Variants in DNAJB1 observed in about 807,000 individuals in gnomAD.
The protein encoded by DNAJB1 is dnaJ homolog subfamily B member 1.
DNAJB1 carries 14 observed loss-of-function variants against 24.0 expected under a neutral mutation model. The ratio of observed to expected loss-of-function variants is 0.58; its 90% CI spans 0.39 to 0.91. The LOEUF is 0.91. DNAJB1 is among the 40% of genes least tolerant of loss of function. DNAJB1 has a pLI of 0.00. For synonymous variants in DNAJB1, 262 were observed against 174.4 expected (o/e 1.50, Z -3.96); for missense variants, 517 against 458.1 (o/e 1.13, Z -1.17).
chr19:14,555,094 A>C (rs189455041), upstream of DNAJB1, among the ~76,000 whole-genome samples: 92 of 147,894 alleles, frequency 6.2e-4, 1 homozygote, highest in Middle Eastern at 3.5e-3. Context: ...TTTTTTTTTG[A>C]GACAGGGTCT....
intron 2 of DNAJB1, among the ~76,000 whole-genome samples, chr19:14,526,007 A>G (rs1161064460): frequency 6.6e-6 from 1 of 152,258 alleles, no homozygotes; most frequent in Non-Finnish European, 1.5e-5. Flanking sequence ...GGTTCTGGAA[A>G]AAGTCAAGAT....
chr19:14,539,678 C>T (rs1038719611), intron 1 of DNAJB1, among the ~76,000 whole-genome samples: 3 of 152,130 alleles, frequency 2.0e-5, no homozygotes, highest in Admixed American at 6.5e-5. Flanking sequence ...CTGCCCTAAG[C>T]ACATGCTATT....
chr19:14,549,055 T>C (rs1052751402), intron 1 of DNAJB1, among the ~76,000 whole-genome samples: 1 of 152,052 alleles, frequency 6.6e-6, no homozygotes, highest in African/African-American at 2.4e-5. Context: ...AAAAACGTCA[T>C]GTATTTTTTA....
In DNAJB1 at chr19:14,516,225, T is replaced by C. The variant is rs796685068; in HGVS notation, c.793-55A>G. The C allele has an allele frequency of 5.6e-6, 9 of 1,596,512 alleles. No homozygotes were observed. In the African/African-American group the frequency reaches 9.4e-5, roughly 17 times the overall value. On this transcript the variant is annotated intron_variant, in intron 2 of 2. Transcript: ENST00000254322. Reference sequence around the variant, plus strand: ...GAAGCTGGCTCAAGAGGCTCAGCTCTTGCCCAGAGGCCGTCTGCCATAGAT... The same window carrying C: ...GAAGCTGGCTCAAGAGGCTCAGCTCCTGCCCAGAGGCCGTCTGCCATAGAT...
chr19:14,518,570 G>A (rs1208221083), upstream of DNAJB1: 3 of 370,408 alleles, frequency 8.1e-6, no homozygotes, highest in Non-Finnish European at 1.4e-5. Context: ...GGCCGCCCGC[G>A]CGGGGCCACG....
intron 1 of DNAJB1, among the ~76,000 whole-genome samples, chr19:14,546,592 T>A (rs1327670882): frequency 6.6e-6 from 1 of 152,202 alleles, no homozygotes; most frequent in East Asian, 1.9e-4. Context: ...GCTCTCACTA[T>A]CTTGGCCTGG....
At chr19:14,521,451 T>A (rs1208397294), upstream of DNAJB1, among the ~76,000 whole-genome samples, 1 of 103,158 alleles carries the variant, frequency 9.7e-6, no homozygotes, top group Non-Finnish European at 2.0e-5. Flanking sequence ...AGAGTGAGAG[T>A]TTCAAAATAA....
At chr19:14,555,772 G>T (rs962345123) in intron 1 of DNAJB1, among the ~76,000 whole-genome samples, 9 of 152,118 alleles carry the variant, frequency 5.9e-5, no homozygotes, top group African/African-American at 2.2e-4. Flanking sequence ...TTTTTGTGGA[G>T]GCAGAGCCTT....
At chr19:14,518,799 C>G (rs1413427949), upstream of DNAJB1, among the ~76,000 whole-genome samples, 1 of 152,240 alleles carries the variant, frequency 6.6e-6, no homozygotes, top group Non-Finnish European at 1.5e-5. Context: ...CTACCCAGTC[C>G]TTTCCCCGGG....
intron 1 of DNAJB1, among the ~76,000 whole-genome samples, chr19:14,537,954 C>T (rs1646076052): frequency 6.6e-6 from 1 of 151,416 alleles, no homozygotes; most frequent in African/African-American, 2.4e-5. Context: ...CCATGTTGGC[C>T]AGGCTGGTCT....
chr19:14,530,957 C>T (rs1334558346), upstream of DNAJB1: 1 of 152,224 alleles, frequency 6.6e-6, no homozygotes, highest in Admixed American at 6.5e-5. Flanking sequence ...ACCTCCACCT[C>T]TGGCAGCCAC....
At chr19:14,537,259 G>T (rs2072936271) in intron 1 of DNAJB1, among the ~76,000 whole-genome samples, 2 of 138,898 alleles carry the variant, frequency 1.4e-5, no homozygotes, top group Admixed American at 1.5e-4. Flanking sequence ...GGATGGGGGA[G>T]GCGGGACCAG....
chr19:14,537,540 C>A (rs1352155916), intron 1 of DNAJB1, among the ~76,000 whole-genome samples: 2 of 152,104 alleles, frequency 1.3e-5, no homozygotes, highest in East Asian at 3.9e-4. Context: ...GGGAATCCTG[C>A]ACTTTCATTG....
chr19:14,551,650 C>T (rs915434243), upstream of DNAJB1, among the ~76,000 whole-genome samples: 7 of 152,012 alleles, frequency 4.6e-5, no homozygotes, highest in African/African-American at 1.7e-4. Flanking sequence ...TAAACCCTGC[C>T]TGGGCCCCGC....
At position 14,518,281 on chromosome 19, in the gene DNAJB1, G is replaced by C; in HGVS notation, c.69C>G (p.Ala23=). ...GGTAGCGCAGCGCCTGGCGGCGGTAGGCCCGCTTGATCTCCTCGTCCGACG... is the reference window on the plus strand; with the variant it reads ...GGTAGCGCAGCGCCTGGCGGCGGTACGCCCGCTTGATCTCCTCGTCCGACG... ...RGASDEEIKR[A]YRRQALRYHP... is the part of the protein sequence containing the mutation. The change falls in exon 1 of 3, where the codon GCC becomes GCG. Residue 23 remains alanine (A), a synonymous_variant. Transcript: ENST00000254322. 1 of 1,610,730 alleles carries C rather than the reference G, an allele frequency of 6.2e-7. No individual in the cohort carries two copies. Among genetic ancestry groups the C allele is most frequent in the East Asian group, 2.2e-5 (1 of 44,526 alleles).
chr19:14,523,038 T>C (rs2072380452), upstream of DNAJB1, among the ~76,000 whole-genome samples: 1 of 90,208 alleles, frequency 1.1e-5, no homozygotes, highest in African/African-American at 5.9e-5. Context: ...ACGTGGTGTC[T>C]CTACTAAAAA....
rs755205651 is a variant in DNAJB1, at chr19:14,516,555, T to C, written c.703A>G (p.Ile235Val). The C allele has an allele frequency of 5.0e-6, 8 of 1,614,102 alleles. No homozygotes were observed. The East Asian group carries it at 1.6e-4, about 31-fold the overall frequency. ...GGCTTGTCCTTTAAAACAAAGACGA[T>C]ATCAGCTGGAATGTTGTTGGAGGTC... is the stretch of plus-strand genomic sequence containing the variant. ...DQTSNNIPADIVFVLKDKPHN... is the reference protein window; with the variant it reads ...DQTSNNIPADVVFVLKDKPHN... The change falls in exon 2 of 3, where the codon ATC becomes GTC. Residue 235 changes from isoleucine (I) to valine (V), a missense_variant. Physicochemically the swap from Ile to Val is conservative, Grantham distance 29. Transcript: ENST00000254322.
chr19:14,518,049 C>T, intron 1 of DNAJB1, 90 bp downstream of exon 1: 2 of 1,321,354 alleles, frequency 1.5e-6, no homozygotes, highest in Non-Finnish European at 1.9e-6. Context: ...CCGGGGCGTC[C>T]TTCCCGGGGG....
upstream of DNAJB1, chr19:14,529,739 G>A (rs775079725): frequency 1.2e-6 from 2 of 1,613,966 alleles, no homozygotes; most frequent in Non-Finnish European, 1.7e-6. Flanking sequence ...GGGGCCGTGT[G>A]GCCACTGCTG....
Sources: allele counts gnomAD v4.1 joint callset (sites outside exome capture counted in the v4.1 genomes callset), GRCh38; gene constraint gnomAD v4.1.1; transcripts MANE v1.5; gene names NCBI Gene and HGNC (gene_info 2026-07-23, HGNC 2026-07-21).